Variants in ST8SIA5 observed in about 807,000 individuals in gnomAD.
The protein encoded by ST8SIA5 is ST8 alpha-N-acetyl-neuraminide alpha-2,8-sialyltransferase 5.
ST8SIA5 carries 24 observed loss-of-function variants against 40.2 expected under a neutral mutation model. The ratio of observed to expected loss-of-function variants is 0.60; its 90% CI spans 0.43 to 0.84. The LOEUF (loss-of-function observed/expected upper bound fraction) is 0.84, where lower values mean the gene tolerates loss of function less well. Among genes scored for constraint, ST8SIA5 ranks in the 40% least tolerant of loss-of-function variants. The pLI is 0.00. For synonymous variants in ST8SIA5, 198 were observed against 201.8 expected, an observed-to-expected ratio of 0.98 and a Z score of 0.16; for missense variants, 465 against 498.5, an observed-to-expected ratio of 0.93 and a Z score of 0.64.
intron 1 of ST8SIA5, among the ~76,000 whole-genome samples, chr18:46,742,192 G>A (rs139283223): frequency 6.6e-6 from 1 of 151,868 alleles, no homozygotes; most frequent in East Asian, 1.9e-4. Flanking sequence ...TTACCTATTA[G>A]AAAATATCTT....
intron 1 of ST8SIA5, among the ~76,000 whole-genome samples, chr18:46,739,601 T>C (rs1033399557): frequency 6.6e-6 from 1 of 152,188 alleles, no homozygotes; most frequent in Non-Finnish European, 1.5e-5. Flanking sequence ...CAGCACAGAC[T>C]GACAATTAGG....
intron 2 of ST8SIA5, among the ~76,000 whole-genome samples, chr18:46,695,229 G>A (rs2039546973): frequency 6.6e-6 from 1 of 151,980 alleles, no homozygotes; most frequent in Non-Finnish European, 1.5e-5. Flanking sequence ...GTGTTTAATT[G>A]GAGGTGGTAA....
In ST8SIA5 at chr18:46,695,613, T is replaced by C. The variant is rs1308998126; in HGVS notation, c.225-3358A>G. On this transcript the variant is annotated intron_variant, in intron 2 of 6. Coordinates refer to ENST00000315087, the MANE Select transcript of ST8SIA5 (RefSeq NM_013305.6). ...TTGTTACACTGAACTGCCCTGACTA[T>C]GCTCACTCACAGCCCCCTGTACTTT... Among the ~76,000 whole-genome samples, 4 of 152,232 alleles carry C rather than the reference T, an allele frequency of 2.6e-5. No individual in the cohort carries two copies. The East Asian group carries it at 7.7e-4, about 29-fold the overall frequency.
chr18:46,684,561 T>G (rs912112102), intron 5 of ST8SIA5, among the ~76,000 whole-genome samples: 1 of 152,176 alleles, frequency 6.6e-6, no homozygotes, highest in African/African-American at 2.4e-5. Flanking sequence ...ACACAGCTTT[T>G]TCTAACTCAA....
At position 46,756,802 on chromosome 18, in the gene ST8SIA5, G is replaced by A; in HGVS notation, c.-294C>T. ...CTCCAGGCGCCGGTGCCGGGTAGCC[G>A]CCGATTTCCCCGCGGAGGGGAGACG... On this transcript the variant is annotated 5_prime_UTR_variant, in exon 1 of 7. Coordinates refer to ENST00000315087, the MANE Select transcript of ST8SIA5 (RefSeq NM_013305.6). 2.9e-6 allele frequency: 1 copy of A among 346,436 alleles called. No individual in the cohort carries two copies. Among genetic ancestry groups the A allele is most frequent in the Non-Finnish European group, 5.2e-6 (1 of 192,514 alleles). The allele number at this position is 346,436 out of a possible 1,614,324, so 21.5% of individuals were successfully genotyped here.
At chr18:46,710,367 CT>C (rs1239306239) in intron 1 of ST8SIA5, among the ~76,000 whole-genome samples, 5 of 23,436 alleles carry the variant, frequency 2.1e-4, no homozygotes, top group Non-Finnish European at 4.2e-4. Context: ...TCTTTCTTTT[CT>C]TTCTTTCTTT....
chr18:46,730,273 T>C lies in ST8SIA5; in HGVS notation c.132-25609A>G, dbSNP rs534227133. On this transcript the variant is annotated intron_variant, in intron 1 of 6. Transcript: ENST00000315087. The stretch of plus-strand genomic sequence containing the variant: ...CTCGCATTCCACCATTCACTAGCAG[T>C]GTGACTCTCAGCATTGAACCTCTTG... The C allele has an allele frequency of 9.1e-6, 9 of 984,712 alleles. No individual in the cohort carries two copies. In the South Asian group the frequency reaches 3.3e-4, roughly 36 times the overall value. 61.0% of individuals were successfully genotyped at this position (984,712 alleles called of 1,614,324 possible).
chr18:46,712,862 C>G (rs2039747128), intron 1 of ST8SIA5, among the ~76,000 whole-genome samples: 1 of 152,144 alleles, frequency 6.6e-6, no homozygotes, highest in Admixed American at 6.5e-5. Context: ...TGGAGGGTGC[C>G]TGGAAGGATA....
At chr18:46,702,898 T>C (rs2039632315) in intron 2 of ST8SIA5, among the ~76,000 whole-genome samples, 1 of 152,162 alleles carries the variant, frequency 6.6e-6, no homozygotes, top group African/African-American at 2.4e-5. Flanking sequence ...ACAGAGACCA[T>C]GGGTTAGTAC....
intron 4 of ST8SIA5, among the ~76,000 whole-genome samples, chr18:46,687,634 C>A (rs996169884): frequency 6.6e-6 from 1 of 152,092 alleles, no homozygotes; most frequent in African/African-American, 2.4e-5. Flanking sequence ...CATTTGACGC[C>A]GCTCACCTGC....
At position 46,676,937 on chromosome 18, in the gene ST8SIA5, C is replaced by T. The variant is rs1008915154; in HGVS notation, c.*3105G>A. ...CTGAAAGTCAGGAGACTGGTGAGTCCCAGTTGAGCCACAAGCTGGCCATGT... is the reference window on the plus strand; with the variant it reads ...CTGAAAGTCAGGAGACTGGTGAGTCTCAGTTGAGCCACAAGCTGGCCATGT... On this transcript the variant is annotated 3_prime_UTR_variant, in exon 7 of 7. Coordinates refer to ENST00000315087, the MANE Select transcript of ST8SIA5 (RefSeq NM_013305.6). The T allele has an allele frequency of 3.3e-5, 5 of 152,066 alleles. No individual in the cohort carries two copies. Among genetic ancestry groups the T allele is most frequent in the Admixed American group, 6.5e-5 (1 of 15,268 alleles). 9.4% of individuals were successfully genotyped at this position (152,066 alleles called of 1,614,324 possible). A position where few individuals can be genotyped will look rare whatever the true frequency, so the allele number is the denominator to read the frequency against.
In ST8SIA5 at chr18:46,756,446, G is replaced by C. The variant is rs138238211; in HGVS notation, c.63C>G (p.Ile21Met). The C allele has an allele frequency of 1.2e-6, 2 of 1,613,222 alleles. No individual in the cohort carries two copies. The highest frequency in any genetic ancestry group is 1.3e-5 in the African/African-American group (1 of 74,902). ...TCACCAAGGCAAAGGCGCAGATGAA[G>C]ATGAAGAGCAAAGTTCGGCTCCCCA... is the stretch of plus-strand genomic sequence containing the variant. The part of the protein sequence containing the change: ...DLLGSRTLLF[I>M]FICAFALVTL... The change falls in exon 1 of 7, where the codon ATC becomes ATG. Residue 21 changes from isoleucine to methionine, a missense_variant. Physicochemically the swap from Ile to Met is conservative, Grantham distance 10. Coordinates refer to ENST00000315087, the MANE Select transcript of ST8SIA5 (RefSeq NM_013305.6).
chr18:46,754,156 C>T (rs573122130), intron 1 of ST8SIA5, among the ~76,000 whole-genome samples: 15 of 152,140 alleles, frequency 9.9e-5, no homozygotes, highest in Non-Finnish European at 1.9e-4. Flanking sequence ...ACATCCAGTT[C>T]AAGATCAGGA....
Position 46,686,278 on chromosome 18 carries a change from G to A in ST8SIA5, c.465C>T (p.Pro155=), listed in dbSNP as rs1599100690. 6 of 1,614,146 alleles carry A rather than the reference G, an allele frequency of 3.7e-6. No homozygotes were observed. The East Asian group carries it at 1.3e-4, about 36-fold the overall frequency. ...EIFRMFPKDM[P]YYRSQFKKCA... ...ACTTCTTAAACTGGGACCGGTAGTAGGGCATGTCCTGGGGGAGGCACAGGC... is the reference window on the plus strand; with the variant it reads ...ACTTCTTAAACTGGGACCGGTAGTAAGGCATGTCCTGGGGGAGGCACAGGC... The change falls in exon 5 of 7, where the codon CCC becomes CCT. Residue 155 remains proline (P), a synonymous_variant. Transcript: ENST00000315087.
rs567318316 is a variant in ST8SIA5, at chr18:46,751,062, T to C, written c.131+5316A>G. Among the ~76,000 whole-genome samples the C allele has an allele frequency of 3.1e-4, 47 of 152,314 alleles. No homozygotes were observed. In the East Asian group the frequency reaches 8.7e-3, roughly 28 times the overall value. On this transcript the variant is annotated intron_variant, in intron 1 of 6. Coordinates refer to ENST00000315087, the MANE Select transcript of ST8SIA5 (RefSeq NM_013305.6). ...GTTCATTCACATTGCTGTGCTACCA[T>C]CACCACCATCCATCTCCAATACTTT...
intron 1 of ST8SIA5, among the ~76,000 whole-genome samples, chr18:46,746,438 G>A (rs926385055): frequency 1.3e-5 from 2 of 152,090 alleles, no homozygotes; most frequent in African/African-American, 4.8e-5. Context: ...CAAACAGAGA[G>A]CCAAATCATG....
At chr18:46,740,915 C>T (rs962491231) in intron 1 of ST8SIA5, among the ~76,000 whole-genome samples, 1 of 152,068 alleles carries the variant, frequency 6.6e-6, no homozygotes. Flanking sequence ...TCATCATCAT[C>T]CCCAAATTGA....
At chr18:46,694,420 C>T (rs1371369118) in intron 2 of ST8SIA5, among the ~76,000 whole-genome samples, 1 of 152,170 alleles carries the variant, frequency 6.6e-6, no homozygotes, top group Non-Finnish European at 1.5e-5. Context: ...TGTAATTCTA[C>T]AGTAAAACTG....
intron 1 of ST8SIA5, among the ~76,000 whole-genome samples, chr18:46,708,216 G>C (rs1036924788): frequency 1.3e-5 from 2 of 152,172 alleles, no homozygotes; most frequent in African/African-American, 4.8e-5. Context: ...GACAGTCTCT[G>C]ATGGTAAGCT....
Sources: gnomAD v4.1 joint callset for allele counts (sites outside exome capture counted in the v4.1 genomes callset) on GRCh38, gnomAD v4.1.1 for gene constraint, MANE v1.5 for transcripts, NCBI Gene and HGNC (gene_info 2026-07-23, HGNC 2026-07-21) for gene names.